IL31RA: variants seen among roughly 807,000 people sequenced by gnomAD.
IL31RA encodes the protein interleukin-31 receptor subunit alpha.
In IL31RA, 66 loss-of-function variants were observed where a neutral mutation model predicts 83.7. The observed-to-expected ratio is 0.79, with a 90% CI of 0.65 to 0.97. IL31RA has a LOEUF of 0.97. IL31RA is among the 50% of genes least tolerant of loss of function. The pLI is 0.00. For missense variants in IL31RA, 798 were observed against 919.4 expected (o/e 0.87, Z 1.71); for synonymous variants, 325 against 329.0 (o/e 0.99, Z 0.13).
intron 11 of IL31RA, chr5:55,908,810 C>A: frequency 7.1e-7 from 1 of 1,402,348 alleles, no homozygotes; most frequent in South Asian, 1.8e-5. Flanking sequence ...GTTTTTCAGT[C>A]CACCTTATCT....
chr5:55,904,260 A>G (rs1422576899), intron 8 of IL31RA, among the ~76,000 whole-genome samples: 1 of 152,204 alleles, frequency 6.6e-6, no homozygotes, highest in African/African-American at 2.4e-5. Flanking sequence ...TGGATCTTGC[A>G]GGGGACTCTA....
chr5:55,871,745 A>G (rs1746518071), intron 3 of IL31RA, among the ~76,000 whole-genome samples: 1 of 151,964 alleles, frequency 6.6e-6, no homozygotes, highest in Non-Finnish European at 1.5e-5. Context: ...TGATCATTCT[A>G]TACATGATAT....
chr5:55,864,435 T>TAC (rs925495779), intron 2 of IL31RA, among the ~76,000 whole-genome samples: 1 of 123,714 alleles, frequency 8.1e-6, no homozygotes, highest in African/African-American at 3.2e-5. Flanking sequence ...CACCCCACAC[T>TAC]ACACACACAC....
chr5:55,839,811 T>C, the IL31RA span: 1 of 763,930 alleles, frequency 1.3e-6, no homozygotes, highest in Admixed American at 1.7e-5. Flanking sequence ...TCTCTGTCCT[T>C]TTTCAGGGCC....
At chr5:55,914,750 C>T (rs1370450369) in intron 13 of IL31RA, 97 bp from the exon 14 acceptor site, 4 of 918,744 alleles carry the variant, frequency 4.4e-6, no homozygotes, top group Non-Finnish European at 7.2e-6. Flanking sequence ...GGGAAACTTA[C>T]AATTCCCTTT....
At chr5:55,871,092 A>G (rs1561546202) in intron 3 of IL31RA, among the ~76,000 whole-genome samples, 2 of 152,214 alleles carry the variant, frequency 1.3e-5, no homozygotes, top group African/African-American at 2.4e-5. Flanking sequence ...CTACAGATAT[A>G]TTACTGTCTT....
At position 55,889,999 on chromosome 5, in the gene IL31RA, G is replaced by A; in HGVS notation, c.636G>A (p.Lys212=). 4 of 1,614,162 alleles carry A rather than the reference G, an allele frequency of 2.5e-6. No individual in the cohort carries two copies. In the East Asian group the frequency reaches 8.9e-5, roughly 36 times the overall value. The change falls in exon 6 of 15, where the codon AAG becomes AAA. Residue 212 remains lysine, a synonymous_variant. Coordinates refer to ENST00000652347, the MANE Select transcript of IL31RA (RefSeq NM_139017.7). The part of the protein sequence containing the change: ...WMEVNFAKNR[K]DKNQTYNLTG... The stretch of plus-strand genomic sequence containing the variant: ...AAGTCAACTTCGCTAAGAACCGTAA[G>A]GATAAAAACCAAACGTACAACCTCA...
intron 2 of IL31RA, among the ~76,000 whole-genome samples, chr5:55,867,244 TTTGTG>T (rs1561543515): frequency 3.2e-5 from 3 of 93,778 alleles, no homozygotes; most frequent in Admixed American, 1.1e-4. Context: ...TGTGTGTGTG[TTTGTG>T]TGTGCGTGTG....
intron 6 of IL31RA, among the ~76,000 whole-genome samples, chr5:55,892,416 C>T (rs1443737932): frequency 6.6e-6 from 1 of 152,226 alleles, no homozygotes; most frequent in Non-Finnish European, 1.5e-5. Flanking sequence ...ACCTCATCCA[C>T]ACAATAATGA....
chr5:55,901,941 A>G (rs1190559119), intron 8 of IL31RA, among the ~76,000 whole-genome samples: 1 of 152,158 alleles, frequency 6.6e-6, no homozygotes, highest in African/African-American at 2.4e-5. Flanking sequence ...AAAATTTCTG[A>G]TTGATCAAAT....
intron 4 of IL31RA, among the ~76,000 whole-genome samples, chr5:55,882,507 T>C (rs1259492420): frequency 6.6e-6 from 1 of 152,232 alleles, no homozygotes; most frequent in East Asian, 1.9e-4. Context: ...TAATGGATGA[T>C]TTTTAGTTTT....
rs770668772 is a variant in IL31RA, at chr5:55,900,023, G to C, written c.960G>C (p.Gln320His). The C allele has an allele frequency of 5.0e-6, 8 of 1,614,102 alleles. No individual in the cohort carries two copies. The Admixed American group carries it at 1.2e-4, about 24-fold the overall frequency. ...AAACAATGAACACTACTAACCAGCA[G>C]CTTGAACTGCATCTGGGAGGCGAGA... is the stretch of plus-strand genomic sequence containing the variant. Reference protein sequence around the residue: ...LTETMNTTNQQLELHLGGESF... With the variant: ...LTETMNTTNQHLELHLGGESF... Residue 320 changes from glutamine (Q) to histidine (H), a missense_variant, in exon 8 of 15, where the codon CAG becomes CAC. Gln to His is a conservative substitution (Grantham distance 24). Transcript: ENST00000652347.
At chr5:55,853,885 T>C (rs985921437) in intron 1 of IL31RA, among the ~76,000 whole-genome samples, 12 of 152,224 alleles carry the variant, frequency 7.9e-5, no homozygotes, top group Non-Finnish European at 1.3e-4. Flanking sequence ...TTGTGTGTAC[T>C]GGTATTTCAT....
intron 5 of IL31RA, among the ~76,000 whole-genome samples, chr5:55,887,371 G>A (rs1302144937): frequency 1.3e-5 from 2 of 152,168 alleles, no homozygotes; most frequent in African/African-American, 4.8e-5. Context: ...TGTGGCCCTA[G>A]TCTAAAGGGT....
intron 4 of IL31RA, among the ~76,000 whole-genome samples, chr5:55,881,716 ATT>A (rs34217814): frequency 0.044 from 2,565 of 58,958 alleles, 4 homozygotes; most frequent in African/African-American, 0.09. Context: ...AGTTCCTGAG[ATT>A]TTTTTTTTTT....
Position 55,921,764 on chromosome 5 carries a change from A to G in IL31RA, c.*4644A>G, listed in dbSNP as rs1177922286. 6.6e-6 allele frequency among the ~76,000 whole-genome samples: 1 copy of G among 152,078 alleles called. No individual in the cohort carries two copies. The highest frequency in any genetic ancestry group is 2.1e-4 in the South Asian group (1 of 4,828). Reference sequence around the variant, plus strand: ...AAACTTTTCTTTTTTTATTGTTGCCATGTCCCTGTGTTGACATTACAGAAT... The same window carrying G: ...AAACTTTTCTTTTTTTATTGTTGCCGTGTCCCTGTGTTGACATTACAGAAT... On this transcript the variant is annotated 3_prime_UTR_variant, in exon 15 of 15. Transcript: ENST00000652347.
chr5:55,868,799 G>A lies in IL31RA; in HGVS notation c.163G>A (p.Ala55Thr), dbSNP rs142632282. The A allele has an allele frequency of 3.8e-6, 6 of 1,589,826 alleles. No individual in the cohort carries two copies. The African/African-American group carries it at 6.7e-5, about 18-fold the overall frequency. Residue 55 changes from alanine to threonine, a missense_variant, in exon 3 of 15, where the codon GCT becomes ACT. Coordinates refer to ENST00000652347, the MANE Select transcript of IL31RA (RefSeq NM_139017.7). ...LCKFSLAALP[A>T]KPENISCVYY... ...GTGTTTAATTTATTTAGCTCTGCCA[G>A]CTAAGCCTGAGAACATTTCCTGTGT...
rs568745125 is a variant in IL31RA, at chr5:55,922,449, G to A, written c.*5329G>A. On this transcript the variant is annotated 3_prime_UTR_variant, in exon 15 of 15. Transcript: ENST00000652347. The stretch of plus-strand genomic sequence containing the variant: ...TCAATATAAGTGTGGACTAAAATGC[G>A]AGAAAGGTGTCCTGTGGTCTATGCA... 1.7e-5 allele frequency: 26 copies of A among 1,548,048 alleles called. No homozygotes were observed. The African/African-American group carries it at 2.6e-4, about 15-fold the overall frequency.
chr5:55,866,454 G>C (rs1389010882), intron 2 of IL31RA, among the ~76,000 whole-genome samples: 1 of 150,904 alleles, frequency 6.6e-6, no homozygotes, highest in Non-Finnish European at 1.5e-5. Flanking sequence ...TAAGGAGTGA[G>C]CAACCTAGAT....
Sources: gnomAD v4.1 joint callset for allele counts (sites outside exome capture counted in the v4.1 genomes callset) on GRCh38, gnomAD v4.1.1 for gene constraint, MANE v1.5 for transcripts, NCBI Gene and HGNC (gene_info 2026-07-23, HGNC 2026-07-21) for gene names.